ALCAM: variants seen among roughly 807,000 people sequenced by gnomAD.
The protein encoded by ALCAM is activated leukocyte cell adhesion molecule.
A neutral mutation model predicts 70.9 loss-of-function variants in ALCAM; 30 were observed. That is an observed-to-expected ratio of 0.42 (90% CI 0.32 to 0.57). ALCAM has a LOEUF of 0.57. Ranked by LOEUF, ALCAM falls within the 20% of genes least tolerant of loss-of-function variation. The pLI is 0.11. For missense variants in ALCAM, 591 were observed against 695.1 expected, an observed-to-expected ratio of 0.85 and a Z score of 1.68; for synonymous variants, 249 against 242.5, an observed-to-expected ratio of 1.03 and a Z score of -0.25.
chr3:105,552,973 G>A, intron 14 of ALCAM: 1 of 1,020,554 alleles, frequency 9.8e-7, no homozygotes, highest in Non-Finnish European at 1.2e-6. Context: ...AGGTGTCTTT[G>A]CAGTGACACA....
intron 14 of ALCAM, among the ~76,000 whole-genome samples, chr3:105,566,687 C>G (rs1940750014): frequency 6.6e-6 from 1 of 152,108 alleles, no homozygotes; most frequent in Admixed American, 6.5e-5. Flanking sequence ...ATTTTTGAAG[C>G]ATAATCCCAT....
chr3:105,528,082 G>A (rs188450955), intron 3 of ALCAM, among the ~76,000 whole-genome samples: 2 of 152,224 alleles, frequency 1.3e-5, no homozygotes, highest in East Asian at 1.9e-4. Flanking sequence ...GGGAGGAGCC[G>A]TTTTGAGTCA....
At chr3:105,437,940 T>C (rs762846155) in intron 1 of ALCAM, among the ~76,000 whole-genome samples, 47 of 152,162 alleles carry the variant, frequency 3.1e-4, no homozygotes, top group Non-Finnish European at 5.4e-4. Context: ...ACATTTATAT[T>C]TTAAAGGAAA....
Position 105,520,061 on chromosome 3 carries a change from C to CA in ALCAM, c.74-6_74-5insA, listed in dbSNP as rs1939493523. 3.8e-6 allele frequency: 6 copies of CA among 1,567,710 alleles called. No individual in the cohort carries two copies. Among genetic ancestry groups the CA allele is most frequent in the Middle Eastern group, 1.7e-4 (1 of 5,900 alleles). ...TCTCTTCTTCCTTTTTTTTTTTCCCCCAAAGGCCTTGGATGGTATACTGTA... is the reference window on the plus strand; with the variant it reads ...TCTCTTCTTCCTTTTTTTTTTTCCCCACAAAGGCCTTGGATGGTATACTGTA... On this transcript the variant is annotated splice_polypyrimidine_tract_variant and splice_region_variant and intron_variant, in intron 1 of 15. Transcript: ENST00000306107.
chr3:105,485,309 A>G (rs532223908), intron 1 of ALCAM, among the ~76,000 whole-genome samples: 1 of 152,128 alleles, frequency 6.6e-6, no homozygotes, highest in East Asian at 1.9e-4. Context: ...AAGAAATCTT[A>G]TTATAGTCCT....
chr3:105,454,533 G>A (rs922359309), intron 1 of ALCAM, among the ~76,000 whole-genome samples: 5 of 151,992 alleles, frequency 3.3e-5, no homozygotes, highest in East Asian at 3.9e-4. Context: ...ACCCTGAGTC[G>A]GTCTGCCTGT....
At chr3:105,479,856 G>A (rs1400407662) in intron 1 of ALCAM, among the ~76,000 whole-genome samples, 1 of 152,184 alleles carries the variant, frequency 6.6e-6, no homozygotes, top group East Asian at 1.9e-4. Flanking sequence ...TACTGTTTAT[G>A]TCTGCAAAGC....
In ALCAM at chr3:105,571,708, G is replaced by A. The variant is rs1940864395; in HGVS notation, c.1665-144G>A. On this transcript the variant is annotated intron_variant, in intron 14 of 15. Transcript: ENST00000306107. ...ACAATGTGCTCCATTATCAGTCAAG[G>A]CTCACAGATATGGAAATTTTTGCCT... The A allele has an allele frequency of 6.7e-6, 4 of 593,040 alleles. No homozygotes were observed. In the South Asian group the frequency reaches 1.0e-4, roughly 15 times the overall value. The allele number at this position is 593,040 out of a possible 1,614,324, so 36.7% of individuals were successfully genotyped here. A position where few individuals can be genotyped will look rare whatever the true frequency, so the allele number is the denominator to read the frequency against.
chr3:105,397,613 TC>T (rs1297026360), intron 1 of ALCAM, among the ~76,000 whole-genome samples: 2 of 151,864 alleles, frequency 1.3e-5, no homozygotes, highest in African/African-American at 4.8e-5. Flanking sequence ...TAACCCTCCC[TC>T]CAATTTTCAA....
In ALCAM at chr3:105,487,309, A is replaced by G. The variant is rs571616207; in HGVS notation, c.74-32758A>G. Among the ~76,000 whole-genome samples, 42 of 152,260 alleles carry G rather than the reference A, an allele frequency of 2.8e-4. 1 individual carries two copies. The East Asian group carries it at 4.6e-3, about 17-fold the overall frequency. On this transcript the variant is annotated intron_variant, in intron 1 of 15. Coordinates refer to ENST00000306107, the MANE Select transcript of ALCAM (RefSeq NM_001627.4). ...AGGTAAATTAATAATTTTATTACCA[A>G]TTATAGTCTACTCTTAAATCTTTCT...
At chr3:105,379,749 T>C (rs1935469258) in intron 1 of ALCAM, among the ~76,000 whole-genome samples, 1 of 151,830 alleles carries the variant, frequency 6.6e-6, no homozygotes. Context: ...GATTTTCCAA[T>C]GACCTCTAAT....
At chr3:105,468,820 C>G (rs1030276012) in intron 1 of ALCAM, among the ~76,000 whole-genome samples, 1 of 151,184 alleles carries the variant, frequency 6.6e-6, no homozygotes, top group African/African-American at 2.4e-5. Context: ...CCCCTGCAAC[C>G]TTTTAGTTAA....
At chr3:105,485,998 A>G (rs1449629104) in intron 1 of ALCAM, among the ~76,000 whole-genome samples, 1 of 152,114 alleles carries the variant, frequency 6.6e-6, no homozygotes, top group Non-Finnish European at 1.5e-5. Context: ...AATAACAGCA[A>G]GATCAGATTT....
intron 1 of ALCAM, among the ~76,000 whole-genome samples, chr3:105,484,235 C>T (rs1248928942): frequency 1.3e-5 from 2 of 150,826 alleles, no homozygotes; most frequent in Non-Finnish European, 3.0e-5. Context: ...GTAACTACTA[C>T]CATTTTTGCT....
At chr3:105,546,462 C>T (rs1940250607) in intron 9 of ALCAM, among the ~76,000 whole-genome samples, 1 of 151,396 alleles carries the variant, frequency 6.6e-6, no homozygotes, top group African/African-American at 2.4e-5. Flanking sequence ...AACTTGTTCA[C>T]TAAAATAAAG....
In ALCAM at chr3:105,520,187, G is replaced by T; in HGVS notation, c.174+20G>T. 3 of 1,530,892 alleles carry T rather than the reference G, an allele frequency of 2.0e-6. No homozygotes were observed. Among genetic ancestry groups the T allele is most frequent in the Non-Finnish European group, 2.7e-6 (3 of 1,106,080 alleles). 94.8% of individuals were successfully genotyped at this position (1,530,892 alleles called of 1,614,324 possible). A position where few individuals can be genotyped will look rare whatever the true frequency, so the allele number is the denominator to read the frequency against. ...AAATATGTAAGTGTGACCTACCTGG[G>T]ACTTGGTTAATTGCCCTTGTTCTTT... On this transcript the variant is annotated intron_variant, in intron 2 of 15. Transcript: ENST00000306107.
At chr3:105,383,388 A>G (rs1212871865) in intron 1 of ALCAM, among the ~76,000 whole-genome samples, 2 of 151,800 alleles carry the variant, frequency 1.3e-5, no homozygotes, top group African/African-American at 4.8e-5. Context: ...AGTCAAAATT[A>G]GATTTCTTAG....
chr3:105,474,684 AAAGT>A (rs1200640965), intron 1 of ALCAM, among the ~76,000 whole-genome samples: 1 of 151,758 alleles, frequency 6.6e-6, no homozygotes, highest in African/African-American at 2.4e-5. Context: ...TTTACGTATG[AAAGT>A]AAGTGAGATC....
At chr3:105,495,733 C>T (rs142021391) in intron 1 of ALCAM, among the ~76,000 whole-genome samples, 113 of 152,272 alleles carry the variant, frequency 7.4e-4, no homozygotes, top group African/African-American at 2.3e-3. Context: ...CATTTACTAC[C>T]TATGGCTGCA....
Sources: gnomAD v4.1 joint callset for allele counts (sites outside exome capture counted in the v4.1 genomes callset) on GRCh38, gnomAD v4.1.1 for gene constraint, MANE v1.5 for transcripts, NCBI Gene and HGNC (gene_info 2026-07-23, HGNC 2026-07-21) for gene names.